TASP1: variants seen among roughly 807,000 people sequenced by gnomAD.
TASP1 encodes the protein threonine aspartase 1.
A neutral mutation model predicts 56.6 loss-of-function variants in TASP1; 16 were observed. The observed-to-expected ratio is 0.28, with a 90% CI of 0.19 to 0.43. TASP1 has a LOEUF of 0.43. TASP1 is among the 20% of genes least tolerant of loss of function. TASP1 has a pLI of 1.00. For synonymous variants in TASP1, 179 were observed against 184.2 expected, an observed-to-expected ratio of 0.97 and a Z score of 0.23; for missense variants, 393 against 511.6, an observed-to-expected ratio of 0.77 and a Z score of 2.24.
chr20:13,479,639 C>T (rs560461423), intron 11 of TASP1, among the ~76,000 whole-genome samples: 2 of 152,114 alleles, frequency 1.3e-5, no homozygotes, highest in Admixed American at 6.6e-5. Flanking sequence ...GGATTACAGG[C>T]GCTGGCCACC....
intron 8 of TASP1, among the ~76,000 whole-genome samples, chr20:13,552,652 G>C (rs2046018278): frequency 6.6e-6 from 1 of 152,122 alleles, no homozygotes; most frequent in African/African-American, 2.4e-5. Flanking sequence ...GACACTGAAA[G>C]AGCAAAAGGT....
At chr20:13,123,440 C>T in the TASP1 span, among the ~76,000 whole-genome samples, 2 of 152,104 alleles carry the variant, frequency 1.3e-5, no homozygotes, top group African/African-American at 4.8e-5. Context: ...TCATAAACTC[C>T]GAGGTAAGTA....
chr20:13,373,744 T>C, the TASP1 span, among the ~76,000 whole-genome samples: 2 of 152,220 alleles, frequency 1.3e-5, no homozygotes, highest in African/African-American at 4.8e-5. Context: ...TGGATCTCTC[T>C]GTTTCCTACT....
At chr20:13,336,145 G>C in the TASP1 span, among the ~76,000 whole-genome samples, 2 of 152,116 alleles carry the variant, frequency 1.3e-5, no homozygotes, top group Non-Finnish European at 2.9e-5. Flanking sequence ...TAAGTTTCCA[G>C]GGGGCCCAAA....
intron 5 of TASP1, among the ~76,000 whole-genome samples, chr20:13,583,386 C>T (rs1268266661): frequency 2.6e-5 from 4 of 152,198 alleles, no homozygotes; most frequent in East Asian, 1.9e-4. Context: ...TCTTCAATGA[C>T]GTCTAAACGT....
At chr20:13,351,203 C>T in the TASP1 span, among the ~76,000 whole-genome samples, 2 of 152,170 alleles carry the variant, frequency 1.3e-5, no homozygotes, top group Non-Finnish European at 2.9e-5. Context: ...TGCAGAGCTA[C>T]TGGAACTCAC....
At chr20:13,208,877 T>A in the TASP1 span, among the ~76,000 whole-genome samples, 1 of 152,322 alleles carries the variant, frequency 6.6e-6, no homozygotes, top group East Asian at 1.9e-4. Context: ...TTGTGAGAAA[T>A]AATAAATTGG....
At chr20:13,265,082 T>G in the TASP1 span, among the ~76,000 whole-genome samples, 1 of 152,200 alleles carries the variant, frequency 6.6e-6, no homozygotes, top group Non-Finnish European at 1.5e-5. Context: ...TGTTATTTCA[T>G]ATGAAAACAG....
chr20:13,465,178 CAA>C (rs771255579), intron 11 of TASP1, among the ~76,000 whole-genome samples: 40 of 57,224 alleles, frequency 7.0e-4, no homozygotes, highest in South Asian at 1.7e-3. Flanking sequence ...TTCTCTCTCC[CAA>C]AAAAAAAAAA....
intron 13 of TASP1, among the ~76,000 whole-genome samples, chr20:13,392,221 A>C (rs1255393545): frequency 6.6e-6 from 1 of 152,120 alleles, no homozygotes; most frequent in Admixed American, 6.5e-5. Context: ...TAACACATTA[A>C]AATGATACAT....
chr20:13,280,933 T>C, the TASP1 span, among the ~76,000 whole-genome samples: 1 of 152,234 alleles, frequency 6.6e-6, no homozygotes, highest in South Asian at 2.1e-4. Context: ...GGCTTCACCA[T>C]CAGTGGACTT....
At chr20:13,549,863 T>C (rs1754967069) in intron 8 of TASP1, among the ~76,000 whole-genome samples, 1 of 152,022 alleles carries the variant, frequency 6.6e-6, no homozygotes, top group Non-Finnish European at 1.5e-5. Context: ...TACTCAAAAT[T>C]TAGGAAGAAT....
the TASP1 span, among the ~76,000 whole-genome samples, chr20:13,201,900 TGCGCCACCATGCCC>T: frequency 6.6e-6 from 1 of 152,018 alleles, no homozygotes; most frequent in Non-Finnish European, 1.5e-5. Flanking sequence ...ATTACAGGCC[TGCGCCACCATGCCC>T]GGCTAATTTT....
chr20:13,225,157 C>T, the TASP1 span, among the ~76,000 whole-genome samples: 1 of 152,010 alleles, frequency 6.6e-6, no homozygotes, highest in South Asian at 2.1e-4. Context: ...CCGGCCCATA[C>T]TAGCTTTCTT....
intron 5 of TASP1, 54 bp downstream of exon 5, chr20:13,587,196 G>A (rs927734089): frequency 8.4e-6 from 13 of 1,556,550 alleles, no homozygotes; most frequent in Non-Finnish European, 1.1e-5. Flanking sequence ...TAGAAGGCAT[G>A]AAATGGTCAC....
At chr20:13,348,596 G>C in the TASP1 span, among the ~76,000 whole-genome samples, 1 of 152,190 alleles carries the variant, frequency 6.6e-6, no homozygotes, top group South Asian at 2.1e-4. Flanking sequence ...CAAATGGTAT[G>C]AATTTTTAGC....
the TASP1 span, among the ~76,000 whole-genome samples, chr20:13,319,400 A>G: frequency 1.3e-5 from 2 of 152,200 alleles, no homozygotes; most frequent in African/African-American, 2.4e-5. Context: ...TCAGAGACAC[A>G]GGACCCACTG....
chr20:13,139,690 G>C, the TASP1 span, among the ~76,000 whole-genome samples: 1 of 152,170 alleles, frequency 6.6e-6, no homozygotes, highest in Non-Finnish European at 1.5e-5. Context: ...ATGTGCCTAG[G>C]AGAGGAAATG....
intron 10 of TASP1, among the ~76,000 whole-genome samples, chr20:13,505,601 C>A (rs755454273): frequency 6.6e-6 from 1 of 151,968 alleles, no homozygotes; most frequent in Non-Finnish European, 1.5e-5. Flanking sequence ...TAAATAGAAA[C>A]AGGTGGAAAA....
Sources: allele counts gnomAD v4.1 joint callset (sites outside exome capture counted in the v4.1 genomes callset), GRCh38; gene constraint gnomAD v4.1.1; transcripts MANE v1.5; gene names NCBI Gene and HGNC (gene_info 2026-07-23, HGNC 2026-07-21).